Variants in ARHGAP42 observed in about 807,000 individuals in gnomAD.
The protein encoded by ARHGAP42 is rho GTPase-activating protein 42.
In ARHGAP42, 63 loss-of-function variants were observed where a neutral mutation model predicts 125.0. The ratio of observed to expected loss-of-function variants is 0.50; its 90% confidence interval spans 0.41 to 0.62. The LOEUF is 0.62. Ranked by LOEUF, ARHGAP42 falls within the 20% of genes least tolerant of loss-of-function variation. The pLI is 0.00. For synonymous variants in ARHGAP42, 339 were observed against 351.0 expected, an observed-to-expected ratio of 0.97 and a Z score of 0.38; for missense variants, 766 against 1,024.2, an observed-to-expected ratio of 0.75 and a Z score of 3.44.
intron 1 of ARHGAP42, among the ~76,000 whole-genome samples, chr11:100,711,191 G>A (rs1048664875): frequency 6.6e-6 from 1 of 152,176 alleles, no homozygotes; most frequent in African/African-American, 2.4e-5. Flanking sequence ...TGACTCTGTT[G>A]GCTGAAGCTT....
chr11:100,698,978 G>C (rs1861342159), intron 1 of ARHGAP42, among the ~76,000 whole-genome samples: 1 of 151,520 alleles, frequency 6.6e-6, no homozygotes, highest in South Asian at 2.1e-4. Context: ...CTGTTTCTCA[G>C]TATGTGATGT....
intron 3 of ARHGAP42, among the ~76,000 whole-genome samples, chr11:100,823,522 G>GT (rs1166027852): frequency 5.3e-5 from 8 of 152,244 alleles, no homozygotes; most frequent in African/African-American, 1.9e-4. Flanking sequence ...ATATGGTTCA[G>GT]TTTTATATTA....
chr11:100,918,424 G>T (rs558504498), intron 5 of ARHGAP42, among the ~76,000 whole-genome samples: 1 of 152,190 alleles, frequency 6.6e-6, no homozygotes, highest in East Asian at 1.9e-4. Flanking sequence ...AAATTAATCT[G>T]GTTTCTTTAG....
intron 1 of ARHGAP42, among the ~76,000 whole-genome samples, chr11:100,730,042 T>A (rs990897815): frequency 6.6e-6 from 1 of 152,004 alleles, no homozygotes; most frequent in African/African-American, 2.4e-5. Context: ...AACTCCTGAC[T>A]TTGTGATCCA....
intron 4 of ARHGAP42, among the ~76,000 whole-genome samples, chr11:100,870,948 A>T (rs965859995): frequency 2.4e-4 from 8 of 34,008 alleles, no homozygotes; most frequent in African/African-American, 3.0e-4. Flanking sequence ...AAGAAGGTTT[A>T]AAAAAAAAAA....
At chr11:100,812,166 C>T (rs1034504225) in intron 3 of ARHGAP42, among the ~76,000 whole-genome samples, 3 of 152,104 alleles carry the variant, frequency 2.0e-5, no homozygotes, top group South Asian at 2.1e-4. Context: ...TAGGTTCAGC[C>T]AGGTTCTGCT....
At chr11:100,690,318 G>A (rs1323741183) in intron 1 of ARHGAP42, among the ~76,000 whole-genome samples, 1 of 152,060 alleles carries the variant, frequency 6.6e-6, no homozygotes, top group East Asian at 1.9e-4. Context: ...GCAATTATCA[G>A]TGTATTTCTA....
intron 1 of ARHGAP42, among the ~76,000 whole-genome samples, chr11:100,737,562 T>TC (rs77871463): frequency 0.062 from 9,471 of 152,264 alleles, 412 homozygotes; most frequent in East Asian, 0.21. Context: ...CATACTGGTG[T>TC]CCCACCTTTC....
chr11:100,835,010 CT>C (rs1376876516), intron 3 of ARHGAP42, among the ~76,000 whole-genome samples: 1 of 151,968 alleles, frequency 6.6e-6, no homozygotes, highest in Non-Finnish European at 1.5e-5. Flanking sequence ...AAGTAAAACA[CT>C]TCATCTGAGT....
At chr11:100,774,458 AC>A (rs76935762) in intron 2 of ARHGAP42, among the ~76,000 whole-genome samples, 8,016 of 152,292 alleles carry the variant, frequency 0.053, 285 homozygotes, top group East Asian at 0.19. Flanking sequence ...CAATAGCCCC[AC>A]AACACTCTCA....
At chr11:100,899,975 T>C (rs1367237779) in intron 4 of ARHGAP42, among the ~76,000 whole-genome samples, 1 of 152,168 alleles carries the variant, frequency 6.6e-6, no homozygotes, top group Non-Finnish European at 1.5e-5. Flanking sequence ...ATTTTGCCCA[T>C]TGATTGATGT....
In ARHGAP42 at chr11:100,979,017, T is replaced by C; in HGVS notation, c.2424T>C (p.Asn808=). The C allele has an allele frequency of 3.9e-6, 6 of 1,551,532 alleles. No homozygotes were observed. The highest frequency in any genetic ancestry group is 5.2e-6 in the Non-Finnish European group (6 of 1,146,832). Residue 808 remains asparagine, a synonymous_variant, in exon 22 of 24, where the codon AAT becomes AAC. Transcript: ENST00000298815. ...CAGCAAAAGCTCAACTGTTTGAAAA[T>C]GTTGGTTCACCTAAACCAGTTTCTT... ...VVAAKAQLFE[N]VGSPKPVSSG...
intron 3 of ARHGAP42, among the ~76,000 whole-genome samples, chr11:100,830,794 G>A (rs1212733901): frequency 1.3e-5 from 2 of 152,136 alleles, no homozygotes; most frequent in Non-Finnish European, 2.9e-5. Flanking sequence ...ATGGAGTACA[G>A]GTGAACAATT....
chr11:100,879,544 G>A (rs899954511), intron 4 of ARHGAP42, among the ~76,000 whole-genome samples: 2 of 152,142 alleles, frequency 1.3e-5, no homozygotes, highest in Non-Finnish European at 2.9e-5. Context: ...GTGTCACTGT[G>A]GGTTTCTCTT....
chr11:100,765,133 A>T (rs7942588), intron 1 of ARHGAP42, among the ~76,000 whole-genome samples: 3 of 152,038 alleles, frequency 2.0e-5, no homozygotes, highest in Non-Finnish European at 1.5e-5. Context: ...GACAATAACC[A>T]GTACCTTAGC....
chr11:100,947,413 G>A (rs777665007), intron 10 of ARHGAP42, among the ~76,000 whole-genome samples: 8 of 151,742 alleles, frequency 5.3e-5, no homozygotes, highest in Non-Finnish European at 7.4e-5. Flanking sequence ...AACACATTCC[G>A]GTTATATAAC....
At chr11:100,890,213 C>A (rs1160426508) in intron 4 of ARHGAP42, among the ~76,000 whole-genome samples, 1 of 152,086 alleles carries the variant, frequency 6.6e-6, no homozygotes, top group African/African-American at 2.4e-5. Context: ...TCGAGATGTC[C>A]CTCCATGGTC....
At chr11:100,934,131 A>G (rs1285746819) in intron 7 of ARHGAP42, among the ~76,000 whole-genome samples, 7 of 152,212 alleles carry the variant, frequency 4.6e-5, no homozygotes, top group Admixed American at 1.3e-4. Flanking sequence ...TATTTGTGAA[A>G]TGAAGGATTG....
rs1367182987 is a variant in ARHGAP42, at chr11:100,687,439, G to A, written c.-240G>A. On this transcript the variant is annotated 5_prime_UTR_variant, in exon 1 of 24. Coordinates refer to ENST00000298815, the MANE Select transcript of ARHGAP42 (RefSeq NM_152432.4). Reference sequence around the variant, plus strand: ...TGCGTCCAGATGACAACAACCTGAGGGGACTCGCGCCTCGGCCCGCCGCCC... The same window carrying A: ...TGCGTCCAGATGACAACAACCTGAGAGGACTCGCGCCTCGGCCCGCCGCCC... 3.3e-5 allele frequency among the ~76,000 whole-genome samples: 5 copies of A among 151,914 alleles called. No individual in the cohort carries two copies. The highest frequency in any genetic ancestry group is 7.4e-5 in the Non-Finnish European group (5 of 67,924).
Sources: allele counts gnomAD v4.1 joint callset (sites outside exome capture counted in the v4.1 genomes callset), GRCh38; gene constraint gnomAD v4.1.1; transcripts MANE v1.5; gene names NCBI Gene and HGNC (gene_info 2026-07-23, HGNC 2026-07-21).